SAE1: variants seen among roughly 807,000 people sequenced by gnomAD.
SAE1 encodes the protein SUMO1 activating enzyme subunit 1, also known as SUMO-activating enzyme subunit 1.
Under a neutral mutation model 40.6 loss-of-function variants are expected in SAE1, and 11 were observed. The observed-to-expected ratio is 0.27, with a 90% CI of 0.17 to 0.45. SAE1 has a LOEUF of 0.45. Ranked by LOEUF, SAE1 falls within the 20% of genes least tolerant of loss-of-function variation. The probability of loss-of-function intolerance (pLI) is 1.00; values close to 1 mark genes in which losing one functional copy is unlikely to be tolerated. For missense variants in SAE1, 373 were observed against 427.3 expected, an observed-to-expected ratio of 0.87 and a Z score of 1.12; for synonymous variants, 155 against 154.3, an observed-to-expected ratio of 1.00 and a Z score of -0.03.
intron 5 of SAE1, among the ~76,000 whole-genome samples, chr19:47,167,307 C>G (rs2058399895): frequency 1.3e-5 from 2 of 150,818 alleles, no homozygotes; most frequent in African/African-American, 4.9e-5. Context: ...CGCTCTGTCC[C>G]CCAGGCTGGG....
chr19:47,132,530 G>C (rs544325730), intron 1 of SAE1, among the ~76,000 whole-genome samples: 2 of 150,560 alleles, frequency 1.3e-5, no homozygotes, highest in East Asian at 3.9e-4. Flanking sequence ...CCCCATCTCA[G>C]ACTCCTAAAA....
chr19:47,156,045 CT>C (rs796392383), intron 5 of SAE1, among the ~76,000 whole-genome samples: 13 of 149,010 alleles, frequency 8.7e-5, no homozygotes, highest in Admixed American at 2.0e-4. Context: ...GACCAGAAAA[CT>C]TTTTTTTTTA....
chr19:47,199,660 A>G (rs1412619087), intron 7 of SAE1, among the ~76,000 whole-genome samples: 1 of 152,160 alleles, frequency 6.6e-6, no homozygotes, highest in African/African-American at 2.4e-5. Context: ...CCCAGCACAC[A>G]GCCCCAGGTA....
At chr19:47,156,311 C>A (rs1007663605) in intron 5 of SAE1, among the ~76,000 whole-genome samples, 5 of 150,814 alleles carry the variant, frequency 3.3e-5, no homozygotes, top group African/African-American at 9.7e-5. Context: ...TGTATTTTCT[C>A]TACTAACAAT....
intron 1 of SAE1, among the ~76,000 whole-genome samples, chr19:47,136,241 C>T (rs1176269691): frequency 1.3e-5 from 2 of 151,882 alleles, no homozygotes; most frequent in Non-Finnish European, 2.9e-5. Flanking sequence ...CAGGTTCAAG[C>T]GATTCTCCTG....
intron 5 of SAE1, 62 bp from the exon 6 acceptor site, chr19:47,169,756 A>G (rs1200105202): frequency 3.6e-6 from 4 of 1,096,922 alleles, no homozygotes; most frequent in Non-Finnish European, 5.6e-6. Flanking sequence ...GAGAAGAGCA[A>G]CTGCCTTGTG....
chr19:47,141,493 T>A (rs2058221833), intron 1 of SAE1, among the ~76,000 whole-genome samples: 1 of 152,092 alleles, frequency 6.6e-6, no homozygotes, highest in Non-Finnish European at 1.5e-5. Flanking sequence ...TATGTAGGAA[T>A]GTAGGTCGTG....
chr19:47,166,687 G>A (rs1191402511), intron 5 of SAE1, among the ~76,000 whole-genome samples: 3 of 152,152 alleles, frequency 2.0e-5, no homozygotes, highest in Non-Finnish European at 2.9e-5. Flanking sequence ...GTAATACTGT[G>A]TTTCCTCATT....
chr19:47,209,116 T>C, intron 8 of SAE1, 43 bp from the exon 9 acceptor site: 1 of 1,601,108 alleles, frequency 6.2e-7, no homozygotes, highest in Non-Finnish European at 8.5e-7. Context: ...TCTATTCCTC[T>C]TAAAGCACTT....
chr19:47,172,433 G>T (rs1208759301), intron 6 of SAE1, among the ~76,000 whole-genome samples: 1 of 152,070 alleles, frequency 6.6e-6, no homozygotes, highest in East Asian at 1.9e-4. Flanking sequence ...TCACTGCCTC[G>T]CACATAGAAA....
At chr19:47,181,177 G>A (rs1401591079) in intron 6 of SAE1, among the ~76,000 whole-genome samples, 7 of 151,942 alleles carry the variant, frequency 4.6e-5, no homozygotes, top group Non-Finnish European at 7.4e-5. Flanking sequence ...TTAGCCAGGC[G>A]TGGTGGTGCA....
chr19:47,149,330 C>G (rs1366022034), intron 2 of SAE1, among the ~76,000 whole-genome samples: 1 of 151,792 alleles, frequency 6.6e-6, no homozygotes, highest in Non-Finnish European at 1.5e-5. Flanking sequence ...ACCACCACAC[C>G]TGGCTTATTT....
At chr19:47,131,928 T>G (rs982311077) in intron 1 of SAE1, among the ~76,000 whole-genome samples, 3 of 151,882 alleles carry the variant, frequency 2.0e-5, no homozygotes, top group Non-Finnish European at 4.4e-5. Flanking sequence ...CTCGATCTCC[T>G]TACCTCAAGT....
chr19:47,143,833 C>G (rs2058238119), intron 2 of SAE1, among the ~76,000 whole-genome samples: 1 of 152,148 alleles, frequency 6.6e-6, no homozygotes, highest in African/African-American at 2.4e-5. Flanking sequence ...ATTGAGCTTG[C>G]CTGCCTGTAA....
intron 5 of SAE1, among the ~76,000 whole-genome samples, chr19:47,168,291 TTTCCAA>T (rs1368536348): frequency 6.6e-6 from 1 of 152,150 alleles, no homozygotes; most frequent in Non-Finnish European, 1.5e-5. Context: ...ACATGTGTCA[TTTCCAA>T]ATATTTCAGT....
intron 5 of SAE1, among the ~76,000 whole-genome samples, chr19:47,155,441 T>C (rs948963237): frequency 8.5e-5 from 13 of 152,124 alleles, no homozygotes; most frequent in African/African-American, 1.7e-4. Flanking sequence ...ATGCAAACTT[T>C]TGTAGGCTCT....
chr19:47,170,103 G>A (rs899420201), intron 6 of SAE1, among the ~76,000 whole-genome samples, 180 bp downstream of exon 6: 12 of 152,170 alleles, frequency 7.9e-5, no homozygotes, highest in African/African-American at 2.9e-4. Flanking sequence ...CTACCATTGA[G>A]CTCTGGGTTC....
intron 6 of SAE1, among the ~76,000 whole-genome samples, chr19:47,195,897 A>AT (rs781205345): frequency 0.01 from 1,402 of 135,500 alleles, 29 homozygotes; most frequent in African/African-American, 0.031. Flanking sequence ...ACTTGGCTAA[A>AT]TTTTTTTTTT....
At chr19:47,152,756 G>T in intron 3 of SAE1, 142 bp from the exon 4 acceptor site, 1 of 678,372 alleles carries the variant, frequency 1.5e-6, no homozygotes, top group East Asian at 2.9e-5. Flanking sequence ...TCTAGCCATA[G>T]GGCCCAAAGA....
Sources: allele counts gnomAD v4.1 joint callset (sites outside exome capture counted in the v4.1 genomes callset), GRCh38; gene constraint gnomAD v4.1.1; transcripts MANE v1.5; gene names NCBI Gene and HGNC (gene_info 2026-07-23, HGNC 2026-07-21).